The following AP1M1 variants were observed in gnomAD, a reference collection of about 807,000 sequenced individuals.
AP1M1 encodes the protein AP-1 complex subunit mu-1.
A neutral mutation model predicts 57.1 loss-of-function variants in AP1M1; 18 were observed. The ratio of observed to expected loss-of-function variants is 0.32; its 90% CI spans 0.22 to 0.47. AP1M1 has a LOEUF of 0.47. AP1M1 is among the 20% of genes least tolerant of loss of function. AP1M1 has a pLI of 1.00. For missense variants in AP1M1, 362 were observed against 593.5 expected (o/e 0.61, Z 4.05); for synonymous variants, 241 against 237.9 (o/e 1.01, Z -0.12).
At chr19:16,210,554 G>GTTTTGT (rs59903550) in intron 5 of AP1M1, among the ~76,000 whole-genome samples, 1 of 152,084 alleles carries the variant, frequency 6.6e-6, no homozygotes, top group African/African-American at 2.4e-5. Flanking sequence ...ACAGTTTTGT[G>GTTTTGT]TTTTGTTTTT....
chr19:16,197,963 C>CA lies in AP1M1; in HGVS notation c.-63dup. The stretch of plus-strand genomic sequence containing the variant: ...GCGCCCGGCCTTGCTCAACGCCCAG[C>CA]AGTCCCCACCGTCGCTGCCGCCGCC... On this transcript the variant is annotated 5_prime_UTR_variant, in exon 1 of 12. Transcript: ENST00000291439. 4 of 1,456,000 alleles carry CA rather than the reference C, an allele frequency of 2.7e-6. No homozygotes were observed. Among genetic ancestry groups the CA allele is most frequent in the Non-Finnish European group, 3.7e-6 (4 of 1,082,906 alleles). 90.2% of individuals were successfully genotyped at this position (1,456,000 alleles called of 1,614,324 possible).
chr19:16,219,962 A>G (rs1437665954), intron 5 of AP1M1, among the ~76,000 whole-genome samples: 2 of 142,132 alleles, frequency 1.4e-5, no homozygotes, highest in Non-Finnish European at 3.1e-5. Flanking sequence ...CTTTGCTGGT[A>G]TTTTGTTGGA....
chr19:16,206,512 C>A lies in AP1M1; in HGVS notation c.267+104C>A. 1 of 1,245,502 alleles carries A rather than the reference C, an allele frequency of 8.0e-7. No individual in the cohort carries two copies. Among genetic ancestry groups the A allele is most frequent in the South Asian group, 1.3e-5 (1 of 78,856 alleles). The allele number at this position is 1,245,502 out of a possible 1,614,324, so 77.2% of individuals were successfully genotyped here. Reference sequence around the variant, plus strand: ...ACCCTACAGAGAGCTGTGGCATCCCCAGGGAGCACTGGGGCTGGAAGCCCA... The same window carrying A: ...ACCCTACAGAGAGCTGTGGCATCCCAAGGGAGCACTGGGGCTGGAAGCCCA... On this transcript the variant is annotated intron_variant, in intron 3 of 11. Coordinates refer to ENST00000291439, the MANE Select transcript of AP1M1 (RefSeq NM_032493.4). This position sits in a 1 kb window ranked among gnomAD's most constrained non-coding sequence, Gnocchi z 4.3.
At chr19:16,200,990 T>C (rs2091444493) in intron 1 of AP1M1, among the ~76,000 whole-genome samples, 1 of 152,192 alleles carries the variant, frequency 6.6e-6, no homozygotes, top group African/African-American at 2.4e-5. Flanking sequence ...TCTGGAGATC[T>C]AGTGGCCTCT....
At position 16,240,193 on chromosome 19, in the gene AP1M1, T is replaced by G. The variant is rs531267355; in HGVS notation, c.*5758T>G. 1.3e-5 allele frequency: 2 copies of G among 152,018 alleles called. No individual in the cohort carries two copies. Among genetic ancestry groups the G allele is most frequent in the Non-Finnish European group, 2.9e-5 (2 of 68,048 alleles). 9.4% of individuals were successfully genotyped at this position (152,018 alleles called of 1,614,324 possible). ...ACTTGAGCATCCTCAGATTTTGGTA[T>G]CCAAGGGGAGTCCTGGAAGCAATCC... On this transcript the variant is annotated 3_prime_UTR_variant, in exon 12 of 12. Transcript: ENST00000291439.
intron 1 of AP1M1, among the ~76,000 whole-genome samples, chr19:16,199,390 G>A (rs952390369): frequency 1.3e-5 from 2 of 152,208 alleles, no homozygotes; most frequent in African/African-American, 4.8e-5. Context: ...ATGGTCCTCT[G>A]CCTTCTCCTA....
Position 16,228,940 on chromosome 19 carries a change from G to C in AP1M1, c.1047+12G>C. ...TCAAGTCCTTCCCGGTGAGCACTCT[G>C]TCCAGACATCCACGTGCCCCCTGCG... On this transcript the variant is annotated intron_variant, in intron 9 of 11. Transcript: ENST00000291439. The surrounding 1 kb of genome is among the most constrained non-coding windows in gnomAD (Gnocchi z 5.0). The C allele has an allele frequency of 3.1e-6, 5 of 1,611,554 alleles. No homozygotes were observed. The highest frequency in any genetic ancestry group is 4.2e-6 in the Non-Finnish European group (5 of 1,177,962).
At position 16,197,975 on chromosome 19, in the gene AP1M1, T is replaced by TCGCTGCCGCCGCCACCGCTCTCGGC; in HGVS notation, c.-34_-33insTCTCGGCCGCTGCCGCCGCCACCGC. 1 of 1,451,820 alleles carries TCGCTGCCGCCGCCACCGCTCTCGGC rather than the reference T, an allele frequency of 6.9e-7. No individual in the cohort carries two copies. The highest frequency in any genetic ancestry group is 1.3e-5 in the South Asian group (1 of 77,830). 89.9% of individuals were successfully genotyped at this position (1,451,820 alleles called of 1,614,324 possible). A position where few individuals can be genotyped will look rare whatever the true frequency, so the allele number is the denominator to read the frequency against. On this transcript the variant is annotated 5_prime_UTR_variant, in exon 1 of 12. Coordinates refer to ENST00000291439, the MANE Select transcript of AP1M1 (RefSeq NM_032493.4). ...GCTCAACGCCCAGCAGTCCCCACCG[T>TCGCTGCCGCCGCCACCGCTCTCGGC]CGCTGCCGCCGCCACCGCCCTCGGC...
chr19:16,231,195 G>A (rs1450397491), intron 9 of AP1M1, among the ~76,000 whole-genome samples: 1 of 151,334 alleles, frequency 6.6e-6, no homozygotes, highest in Non-Finnish European at 1.5e-5. Context: ...GGCTGAGGTG[G>A]GAGAATGGTG....
chr19:16,228,348 C>A lies in AP1M1; in HGVS notation c.888+140C>A. 1 of 880,116 alleles carries A rather than the reference C, an allele frequency of 1.1e-6. No homozygotes were observed. The highest frequency in any genetic ancestry group is 2.5e-4 in the Middle Eastern group (1 of 4,046). 54.5% of individuals were successfully genotyped at this position (880,116 alleles called of 1,614,324 possible). A position where few individuals can be genotyped will look rare whatever the true frequency, so the allele number is the denominator to read the frequency against. On this transcript the variant is annotated intron_variant, in intron 8 of 11. Coordinates refer to ENST00000291439, the MANE Select transcript of AP1M1 (RefSeq NM_032493.4). This position sits in a 1 kb window ranked among gnomAD's most constrained non-coding sequence, Gnocchi z 5.0. ...CCTCAGATGCAGGAGTGACCTGACA[C>A]TGAGGGGACACCGCCTGGGGCCTGC...
Position 16,203,382 on chromosome 19 carries a change from A to G in AP1M1, c.43-77A>G. 6.6e-7 allele frequency: 1 copy of G among 1,514,390 alleles called. No individual in the cohort carries two copies. Among genetic ancestry groups the G allele is most frequent in the East Asian group, 2.3e-5 (1 of 44,164 alleles). The allele number at this position is 1,514,390 out of a possible 1,614,324, so 93.8% of individuals were successfully genotyped here. On this transcript the variant is annotated intron_variant, in intron 1 of 11. Transcript: ENST00000291439. This position sits in a 1 kb window ranked among gnomAD's most constrained non-coding sequence, Gnocchi z 4.6. ...TCCCCAGAGCGAAGCAGGGTGGTGC[A>G]TCTCACCCCCTGCCCCAAGCCCCCA...
intron 1 of AP1M1, among the ~76,000 whole-genome samples, chr19:16,201,018 C>G (rs1264113464): frequency 6.6e-6 from 1 of 152,136 alleles, no homozygotes; most frequent in Non-Finnish European, 1.5e-5. Flanking sequence ...CAGAGAGGTC[C>G]CGCCGCCACC....
rs1370893088 is a variant in AP1M1 at position 16,197,999 on chromosome 19, G to GCCGCTGCCGCCGCCACCGCCCTCGT, written c.-19_-18insCCGCCACCGCCCTCGTCCGCTGCCG. ...GTCGCTGCCGCCGCCACCGCCCTCG[G>GCCGCTGCCGCCGCCACCGCCCTCGT]CCGCTGCCGAGGCCTCCTGCAGCCA... On this transcript the variant is annotated 5_prime_UTR_variant, in exon 1 of 12. Coordinates refer to ENST00000291439, the MANE Select transcript of AP1M1 (RefSeq NM_032493.4). 1.3e-6 allele frequency: 2 copies of GCCGCTGCCGCCGCCACCGCCCTCGT among 1,562,544 alleles called. No homozygotes were observed. Among genetic ancestry groups the GCCGCTGCCGCCGCCACCGCCCTCGT allele is most frequent in the East Asian group, 2.6e-5 (1 of 39,198 alleles).
Position 16,209,131 on chromosome 19 carries a change from G to A in AP1M1, c.500G>A (p.Arg167Gln), listed in dbSNP as rs1276538675. ...TGGCGGTCCGAAGGCATCAAGTATC[G>A]GAAGAATGAGGTGTTCTTGGACGTC... is the stretch of plus-strand genomic sequence containing the variant. ...VSWRSEGIKY[R>Q]KNEVFLDVIE... is the part of the protein sequence containing the mutation. The change falls in exon 5 of 12, where the codon CGG becomes CAG. Residue 167 changes from arginine to glutamine, a missense_variant. This residue lies in a region of AP1M1 where 337 missense variants were observed against 511.1 expected (regional missense o/e 0.66). Transcript: ENST00000291439. 1 of 1,614,202 alleles carries A rather than the reference G, an allele frequency of 6.2e-7. No homozygotes were observed. The highest frequency in any genetic ancestry group is 8.5e-7 in the Non-Finnish European group (1 of 1,180,036).
chr19:16,203,671 T>C lies in AP1M1; in HGVS notation c.199+56T>C. The C allele has an allele frequency of 6.5e-7, 1 of 1,530,858 alleles. No homozygotes were observed. Among genetic ancestry groups the C allele is most frequent in the African/African-American group, 1.4e-5 (1 of 72,934 alleles). The allele number at this position is 1,530,858 out of a possible 1,614,324, so 94.8% of individuals were successfully genotyped here. On this transcript the variant is annotated intron_variant, in intron 2 of 11. Coordinates refer to ENST00000291439, the MANE Select transcript of AP1M1 (RefSeq NM_032493.4). This position sits in a 1 kb window ranked among gnomAD's most constrained non-coding sequence, Gnocchi z 4.6. ...ACTCCTGTGTGGGTGTTGGTGTGTG[T>C]GCATATCCACACGCCTGCAAGCAGG...
At chr19:16,208,851 A>C in intron 4 of AP1M1, 179 bp from the exon 5 acceptor site, 1 of 636,482 alleles carries the variant, frequency 1.6e-6, no homozygotes, top group South Asian at 2.4e-5. Flanking sequence ...TTCTGTATGA[A>C]GCAGCCCCAG....
Position 16,228,419 on chromosome 19 carries a change from C to CA in AP1M1, c.888+212dup, listed in dbSNP as rs2091580724. 6.6e-6 allele frequency among the ~76,000 whole-genome samples: 1 copy of CA among 152,178 alleles called. No individual in the cohort carries two copies. The highest frequency in any genetic ancestry group is 2.1e-4 in the South Asian group (1 of 4,830). On this transcript the variant is annotated intron_variant, in intron 8 of 11. Transcript: ENST00000291439. The surrounding 1 kb of genome is among the most constrained non-coding windows in gnomAD (Gnocchi z 5.0). The stretch of plus-strand genomic sequence containing the variant: ...GGGGAGGGGCCTGTAGCCAGGCATC[C>CA]AGGACACTCCCAGAGGTGTTGCCCC...
At chr19:16,225,059 G>A (rs564884062) in intron 5 of AP1M1, among the ~76,000 whole-genome samples, 14 of 152,178 alleles carry the variant, frequency 9.2e-5, no homozygotes, top group South Asian at 2.1e-4. Context: ...AGGACAGCAC[G>A]AGGAGGTGAG....
chr19:16,202,443 G>A (rs1166926010), intron 1 of AP1M1, among the ~76,000 whole-genome samples: 2 of 152,142 alleles, frequency 1.3e-5, no homozygotes, highest in African/African-American at 2.4e-5. Flanking sequence ...AATTTGATGA[G>A]CTCAGTCATG....
Sources: gnomAD v4.1 joint callset for allele counts (sites outside exome capture counted in the v4.1 genomes callset) on GRCh38, gnomAD v4.1.1 for gene constraint, gnomAD v4.1.1 regional missense constraint, Gnocchi (gnomAD v3.1) non-coding constraint, MANE v1.5 for transcripts, NCBI Gene and HGNC (gene_info 2026-07-23, HGNC 2026-07-21) for gene names.